The following ZNF565 variants were observed in gnomAD, a reference collection of about 807,000 sequenced individuals.
The protein encoded by ZNF565 is zinc finger protein 565.
In ZNF565, 27 loss-of-function variants were observed where a neutral mutation model predicts 39.4. That is an observed-to-expected ratio of 0.69 (90% CI 0.51 to 0.95). The LOEUF (loss-of-function observed/expected upper bound fraction) is 0.95, where lower values mean the gene tolerates loss of function less well. ZNF565 is among the 40% of genes least tolerant of loss of function. The probability of loss-of-function intolerance (pLI) is 0.00; values close to 1 mark genes in which losing one functional copy is unlikely to be tolerated. For missense variants in ZNF565, 524 were observed against 621.1 expected (o/e 0.84, Z 1.66); for synonymous variants, 185 against 216.6 (o/e 0.85, Z 1.28).
chr19:36,219,906 T>C (rs1976763235), intron 1 of ZNF565, among the ~76,000 whole-genome samples: 1 of 152,260 alleles, frequency 6.6e-6, no homozygotes, highest in Non-Finnish European at 1.5e-5. Context: ...ATTTGTTTCA[T>C]TGTTACATCA....
intron 1 of ZNF565, among the ~76,000 whole-genome samples, chr19:36,239,525 A>G (rs1369039544): frequency 3.3e-5 from 5 of 152,058 alleles, no homozygotes; most frequent in Admixed American, 6.6e-5. Context: ...GGGTCTCCGT[A>G]TATTGCCCAG....
At chr19:36,220,855 CTTT>C (rs61343359) in intron 1 of ZNF565, among the ~76,000 whole-genome samples, 3 of 142,228 alleles carry the variant, frequency 2.1e-5, no homozygotes, top group Non-Finnish European at 3.1e-5. Flanking sequence ...TAAAATGCAT[CTTT>C]TTTTTTTTTT....
intron 1 of ZNF565, among the ~76,000 whole-genome samples, chr19:36,232,420 C>G (rs1428287062): frequency 6.6e-6 from 1 of 152,030 alleles, no homozygotes; most frequent in East Asian, 1.9e-4. Context: ...GAGGAACTTA[C>G]AAGTTCTCAG....
intron 1 of ZNF565, among the ~76,000 whole-genome samples, chr19:36,231,682 C>T (rs2145445107): frequency 6.6e-6 from 1 of 152,216 alleles, no homozygotes; most frequent in Non-Finnish European, 1.5e-5. Context: ...TTTTCAGATC[C>T]AGAGATTACC....
intron 2 of ZNF565, among the ~76,000 whole-genome samples, chr19:36,197,258 C>A (rs1000421858): frequency 6.6e-6 from 1 of 151,738 alleles, no homozygotes; most frequent in Non-Finnish European, 1.5e-5. Flanking sequence ...GGTGACAGAG[C>A]GAGACTCTGT....
intron 1 of ZNF565, among the ~76,000 whole-genome samples, chr19:36,244,750 C>G (rs1314937464): frequency 6.6e-6 from 1 of 150,534 alleles, no homozygotes; most frequent in Non-Finnish European, 1.5e-5. Context: ...ACTCGAGAGG[C>G]TGAGGCAGGA....
rs1318813867 is a variant in ZNF565 at position 36,244,331 on chromosome 19, C to A, written c.55+1145G>T. Among the ~76,000 whole-genome samples the A allele has an allele frequency of 2.0e-5, 3 of 152,022 alleles. No individual in the cohort carries two copies. The East Asian group carries it at 5.8e-4, about 30-fold the overall frequency. On this transcript the variant is annotated intron_variant, in intron 1 of 4. Coordinates refer to the ZNF565 transcript ENST00000355114. ...TCCCGGGAGGCCGAGGCGAGCGAATCAGTTGTCAGAAGTTCAAGACCAGTG... is the reference window on the plus strand; with the variant it reads ...TCCCGGGAGGCCGAGGCGAGCGAATAAGTTGTCAGAAGTTCAAGACCAGTG...
intron 4 of ZNF565, among the ~76,000 whole-genome samples, chr19:36,189,100 A>G (rs910557901): frequency 6.6e-6 from 1 of 151,924 alleles, no homozygotes; most frequent in African/African-American, 2.4e-5. Context: ...AGCAGAGTGT[A>G]TAATGCTGTG....
chr19:36,211,359 C>T (rs1332025698), intron 1 of ZNF565, among the ~76,000 whole-genome samples: 1 of 151,624 alleles, frequency 6.6e-6, no homozygotes, highest in Non-Finnish European at 1.5e-5. Flanking sequence ...AGGAGAATCG[C>T]TTGAATCCAG....
At chr19:36,204,490 G>C (rs981759773) in intron 1 of ZNF565, among the ~76,000 whole-genome samples, 1 of 152,192 alleles carries the variant, frequency 6.6e-6, no homozygotes, top group Non-Finnish European at 1.5e-5. Flanking sequence ...GACCAGTGCT[G>C]TCCAAATAAT....
rs1434543145 is a variant in ZNF565, at chr19:36,194,205, T to C, written c.232+28A>G. ...TGTCAGTCGACTCATCCAGGGACCT[T>C]CCCCTGTCGAAATCGGCCCTCGCTT... On this transcript the variant is annotated intron_variant, in intron 4 of 4. Transcript: ENST00000304116. 3.8e-6 allele frequency: 6 copies of C among 1,583,224 alleles called. No homozygotes were observed. In the South Asian group the frequency reaches 6.8e-5, roughly 18 times the overall value.
intron 4 of ZNF565, among the ~76,000 whole-genome samples, chr19:36,193,840 T>C (rs758529321): frequency 1.3e-5 from 2 of 151,872 alleles, no homozygotes; most frequent in Non-Finnish European, 2.9e-5. Flanking sequence ...CCTCCCAAAG[T>C]GGGAGGATCG....
chr19:36,207,346 C>T (rs917582580), intron 1 of ZNF565, among the ~76,000 whole-genome samples: 7 of 152,050 alleles, frequency 4.6e-5, no homozygotes, highest in Admixed American at 3.3e-4. Context: ...GAGTTAGAGA[C>T]CAGCCTGGTC....
rs573172611 is a variant in ZNF565, at chr19:36,207,250, A to G, written c.-65-5200T>C. 2.6e-5 allele frequency among the ~76,000 whole-genome samples: 4 copies of G among 152,272 alleles called. No individual in the cohort carries two copies. In the East Asian group the frequency reaches 7.7e-4, roughly 29 times the overall value. On this transcript the variant is annotated intron_variant, in intron 1 of 4. Coordinates refer to ENST00000304116, the MANE Select transcript of ZNF565 (RefSeq NM_152477.5). ...GCCAAGGAATGGCATAATCTGATTT[A>G]TATTTAAAAGGGGCGGGGCACAGTG... is the stretch of plus-strand genomic sequence containing the variant.
At chr19:36,244,419 G>A (rs2145481603) in intron 1 of ZNF565, among the ~76,000 whole-genome samples, 1 of 152,274 alleles carries the variant, frequency 6.6e-6, no homozygotes, top group Middle Eastern at 3.4e-3. Flanking sequence ...GTGGTGGTGG[G>A]TACCTGTCAT....
At chr19:36,193,441 C>CCT (rs1975639696) in intron 4 of ZNF565, among the ~76,000 whole-genome samples, 1 of 131,854 alleles carries the variant, frequency 7.6e-6, no homozygotes, top group Non-Finnish European at 1.6e-5. Context: ...TTTCTTTTTT[C>CCT]TTTTTTTTTT....
Position 36,194,346 on chromosome 19 carries a change from A to T in ZNF565, c.137-18T>A, listed in dbSNP as rs1975682002. 1.9e-6 allele frequency: 3 copies of T among 1,593,002 alleles called. No homozygotes were observed. Among genetic ancestry groups the T allele is most frequent in the Non-Finnish European group, 2.6e-6 (3 of 1,167,416 alleles). On this transcript the variant is annotated intron_variant, in intron 3 of 4. Coordinates refer to ENST00000304116, the MANE Select transcript of ZNF565 (RefSeq NM_152477.5). ...GGAGAGTCCTGTTTACAGGAAAAGAAATGGGGTGTGATCAGACCGCTCCAA... is the reference window on the plus strand; with the variant it reads ...GGAGAGTCCTGTTTACAGGAAAAGATATGGGGTGTGATCAGACCGCTCCAA...
chr19:36,201,509 C>G (rs1021059320), intron 2 of ZNF565, among the ~76,000 whole-genome samples: 4 of 152,044 alleles, frequency 2.6e-5, no homozygotes, highest in Non-Finnish European at 5.9e-5. Flanking sequence ...GAGTCTCGCT[C>G]TGTCTCCCAG....
chr19:36,184,604 C>G (rs1975224211), intron 4 of ZNF565, among the ~76,000 whole-genome samples: 1 of 152,074 alleles, frequency 6.6e-6, no homozygotes, highest in African/African-American at 2.4e-5. Flanking sequence ...CCCCCCCACC[C>G]ATTAAGCAGT....
Sources: gnomAD v4.1 joint callset for allele counts (sites outside exome capture counted in the v4.1 genomes callset) on GRCh38, gnomAD v4.1.1 for gene constraint, MANE v1.5 for transcripts, NCBI Gene and HGNC (gene_info 2026-07-23, HGNC 2026-07-21) for gene names.